PAX6: variants seen among roughly 807,000 people sequenced by gnomAD.
PAX6 encodes paired box 6.
A neutral mutation model predicts 60.7 loss-of-function variants in PAX6; 7 were observed. The ratio of observed to expected loss-of-function variants is 0.12; its 90% CI spans 0.07 to 0.22. PAX6 has a LOEUF of 0.22. Ranked by LOEUF, PAX6 falls within the 10% of genes least tolerant of loss-of-function variation. The probability of loss-of-function intolerance (pLI) is 1.00; values close to 1 mark genes in which losing one functional copy is unlikely to be tolerated. For synonymous variants in PAX6, 208 were observed against 201.2 expected (o/e 1.03, Z -0.29); for missense variants, 355 against 555.2 (o/e 0.64, Z 3.62).
At chr11:31,813,757 G>A (rs1957243476), upstream of PAX6, among the ~76,000 whole-genome samples, 1 of 152,136 alleles carries the variant, frequency 6.6e-6, no homozygotes, top group Non-Finnish European at 1.5e-5. Context: ...TTTGGGGAGG[G>A]GAGTTCAACC....
intron 8 of PAX6, among the ~76,000 whole-genome samples, chr11:31,796,983 GT>G (rs1387804492): frequency 6.6e-6 from 1 of 151,998 alleles, no homozygotes; most frequent in African/African-American, 2.4e-5. Context: ...TTTTCAAAGC[GT>G]TTTTCAAGGG....
Position 31,789,670 on chromosome 11 carries a change from T to C in PAX6, c.*264A>G. 1.4e-6 allele frequency: 1 copy of C among 701,946 alleles called. No homozygotes were observed. Among genetic ancestry groups the C allele is most frequent in the Non-Finnish European group, 2.6e-6 (1 of 384,638 alleles). 43.5% of individuals were successfully genotyped at this position (701,946 alleles called of 1,614,324 possible). ...TTTCATTATAACATACAAATGCCCA[T>C]TTACAAATAATACACCAAAATGAAT... On this transcript the variant is annotated 3_prime_UTR_variant, in exon 14 of 14. Transcript: ENST00000640368.
rs1327602201 is a variant in PAX6 at position 31,789,764 on chromosome 11, G to T, written c.*170C>A. The T allele has an allele frequency of 4.1e-6, 3 of 722,988 alleles. No individual in the cohort carries two copies. Among genetic ancestry groups the T allele is most frequent in the Admixed American group, 4.0e-5 (2 of 50,016 alleles). 44.8% of individuals were successfully genotyped at this position (722,988 alleles called of 1,614,324 possible). A position where few individuals can be genotyped will look rare whatever the true frequency, so the allele number is the denominator to read the frequency against. On this transcript the variant is annotated 3_prime_UTR_variant, in exon 14 of 14. Transcript: ENST00000640368. ...GTGCCTTCTGTATACAAAGGTCCTT[G>T]TTTCAAGTCCATTCCTTCCCCAGTG...
chr11:31,806,254 C>G (rs1955768465), intron 4 of PAX6, 148 bp downstream of exon 4: 1 of 795,352 alleles, frequency 1.3e-6, no homozygotes, highest in Admixed American at 3.6e-5. Context: ...CTGCCGGGCG[C>G]GGAGCGGGGA....
chr11:31,790,262 A>G (rs1385422745), intron 13 of PAX6: 1 of 434,592 alleles, frequency 2.3e-6, no homozygotes, highest in Non-Finnish European at 3.6e-6. Flanking sequence ...AAGGAAAAGA[A>G]AAAAAAAATC....
upstream of PAX6, chr11:31,814,160 G>A (rs1264531459): frequency 6.6e-6 from 1 of 152,158 alleles, no homozygotes; most frequent in Non-Finnish European, 1.5e-5. Flanking sequence ...TGGCCAGAGG[G>A]AGGACCTCTC....
At chr11:31,795,216 G>A (rs2134685136) in intron 8 of PAX6, among the ~76,000 whole-genome samples, 1 of 152,342 alleles carries the variant, frequency 6.6e-6, no homozygotes, top group South Asian at 2.1e-4. Context: ...TCAATTAGAT[G>A]TTGATAGGTT....
upstream of PAX6, chr11:31,811,342 A>C (rs1957000132): frequency 2.5e-6 from 1 of 398,192 alleles, no homozygotes; most frequent in South Asian, 1.4e-4. Flanking sequence ...GCTCGCTCTC[A>C]CACAAAATAT....
intron 8 of PAX6, among the ~76,000 whole-genome samples, chr11:31,798,660 G>C (rs1259509241): frequency 6.6e-6 from 1 of 152,202 alleles, no homozygotes. Context: ...AACCTCACTT[G>C]CGGGTGGGGG....
At chr11:31,791,011 G>T in intron 12 of PAX6, 151 bp from the exon 13 acceptor site, 1 of 879,444 alleles carries the variant, frequency 1.1e-6, no homozygotes, top group Non-Finnish European at 1.8e-6. Context: ...ATAAATCTAA[G>T]ATTGGGCCTC....
Position 31,810,844 on chromosome 11 carries a change from T to TTC in PAX6, c.-147_-146dup, listed in dbSNP as rs886048205. ...CGGACTCACCTTTATGAGGCATCCT[T>TTC]TCTGGTTGTCACAGCTTCTGTCAAG... On this transcript the variant is annotated 5_prime_UTR_variant, in exon 2 of 14. Coordinates refer to ENST00000640368, the MANE Select transcript of PAX6 (RefSeq NM_001368894.2). 8 of 399,046 alleles carry TTC rather than the reference T, an allele frequency of 2.0e-5. No homozygotes were observed. The highest frequency in any genetic ancestry group is 3.5e-5 in the Non-Finnish European group (8 of 226,128). 24.7% of individuals were successfully genotyped at this position (399,046 alleles called of 1,614,324 possible). A position where few individuals can be genotyped will look rare whatever the true frequency, so the allele number is the denominator to read the frequency against.
At position 31,794,267 on chromosome 11, in the gene PAX6, C is replaced by T. The variant is rs1171728712; in HGVS notation, c.725-153G>A. On this transcript the variant is annotated intron_variant, in intron 9 of 13. Transcript: ENST00000640368. ...CTAGTGTTGACTGTACTTGGAAGAA[C>T]TTTCCCACCAGAACCAAGTTAAATT... 12 of 729,328 alleles carry T rather than the reference C, an allele frequency of 1.6e-5. No homozygotes were observed. The Admixed American group carries it at 1.9e-4, about 12-fold the overall frequency. The allele number at this position is 729,328 out of a possible 1,614,324, so 45.2% of individuals were successfully genotyped here. A position where few individuals can be genotyped will look rare whatever the true frequency, so the allele number is the denominator to read the frequency against.
chr11:31,813,340 G>A (rs1462325437), upstream of PAX6, among the ~76,000 whole-genome samples: 1 of 139,452 alleles, frequency 7.2e-6, no homozygotes, highest in Non-Finnish European at 1.5e-5. Context: ...AAGAAGCTTG[G>A]ACTCAAGACT....
chr11:31,798,757 C>A (rs1330121750), intron 8 of PAX6, among the ~76,000 whole-genome samples: 2 of 152,262 alleles, frequency 1.3e-5, no homozygotes, highest in African/African-American at 4.8e-5. Flanking sequence ...CCTCCGGCCC[C>A]AACCATCACA....
At chr11:31,794,200 C>G in intron 9 of PAX6, 86 bp from the exon 10 acceptor site, 1 of 880,626 alleles carries the variant, frequency 1.1e-6, no homozygotes, top group South Asian at 1.3e-5. Context: ...GTTCCCACCT[C>G]CCCACTCCCA....
chr11:31,794,624 T>C lies in PAX6; in HGVS notation c.724+6A>G. ...ACTGCTTCTCTACTTTGAAAAACTC[T>C]ATCACCTTTCTCCAGGGCCTCAATT... is the stretch of plus-strand genomic sequence containing the variant. On this transcript the variant is annotated splice_donor_region_variant and intron_variant, in intron 9 of 13. Coordinates refer to ENST00000640368, the MANE Select transcript of PAX6 (RefSeq NM_001368894.2). The C allele has an allele frequency of 6.2e-7, 1 of 1,614,198 alleles. No individual in the cohort carries two copies.
At chr11:31,815,525 G>A (rs1012478334), upstream of PAX6, among the ~76,000 whole-genome samples, 7 of 152,150 alleles carry the variant, frequency 4.6e-5, no homozygotes, top group East Asian at 9.7e-4. Context: ...TGAGGCTGGG[G>A]AGGGGGAGGG....
At chr11:31,800,666 G>A (rs1398361626) in intron 8 of PAX6, 25 bp downstream of exon 8, 2 of 1,613,490 alleles carry the variant, frequency 1.2e-6, no homozygotes, top group Non-Finnish European at 8.5e-7. Flanking sequence ...ATGGAGAGCT[G>A]CGTGGATGGC....
At chr11:31,796,426 G>A (rs1027908004) in intron 8 of PAX6, among the ~76,000 whole-genome samples, 1 of 150,192 alleles carries the variant, frequency 6.7e-6, no homozygotes, top group Non-Finnish European at 1.5e-5. Context: ...ATTAATCACT[G>A]TCCGAAGAGC....
Sources: allele counts gnomAD v4.1 joint callset (sites outside exome capture counted in the v4.1 genomes callset), GRCh38; gene constraint gnomAD v4.1.1; transcripts MANE v1.5; gene names NCBI Gene and HGNC (gene_info 2026-07-23, HGNC 2026-07-21).